The following KIF6 variants were observed in gnomAD, a reference collection of about 807,000 sequenced individuals.
KIF6 encodes the protein kinesin-like protein KIF6.
A neutral mutation model predicts 112.7 loss-of-function variants in KIF6; 106 were observed. The ratio of observed to expected loss-of-function variants is 0.94; its 90% CI spans 0.80 to 1.11. The LOEUF is 1.11. KIF6 is among the 50% of genes least tolerant of loss of function. The pLI, the probability that KIF6 is intolerant of heterozygous loss-of-function variation, is 0.00. For synonymous variants in KIF6, 339 were observed against 339.9 expected (o/e 1.00, Z 0.03); for missense variants, 929 against 964.0 (o/e 0.96, Z 0.48).
At chr6:39,582,667 A>T (rs553897187) in intron 9 of KIF6, among the ~76,000 whole-genome samples, 3 of 152,176 alleles carry the variant, frequency 2.0e-5, no homozygotes, top group African/African-American at 7.2e-5. Context: ...CATCCGCCTC[A>T]GCCTCCCAAA....
intron 13 of KIF6, among the ~76,000 whole-genome samples, chr6:39,476,072 A>G (rs1033900454): frequency 2.6e-5 from 4 of 152,134 alleles, no homozygotes; most frequent in African/African-American, 9.7e-5. Flanking sequence ...GAAGAGCATC[A>G]GTATAAATAG....
intron 3 of KIF6, among the ~76,000 whole-genome samples, chr6:39,658,001 T>G (rs1210379025): frequency 6.6e-6 from 1 of 152,240 alleles, no homozygotes; most frequent in Non-Finnish European, 1.5e-5. Context: ...AGCAGACTTG[T>G]GCATATACAT....
intron 3 of KIF6, among the ~76,000 whole-genome samples, chr6:39,706,646 A>T (rs2113854307): frequency 6.6e-6 from 1 of 152,384 alleles, no homozygotes; most frequent in Non-Finnish European, 1.5e-5. Flanking sequence ...CATAGCAGCA[A>T]GTAAAGCCAA....
chr6:39,540,146 C>T lies in KIF6; in HGVS notation c.1502G>A (p.Arg501His), dbSNP rs773620952. ...TGGGCTCTGGGACTGTCTGAATTCACGTCTATCCATGCCAGCCAAGTGGAG... is the reference window on the plus strand; with the variant it reads ...TGGGCTCTGGGACTGTCTGAATTCATGTCTATCCATGCCAGCCAAGTGGAG... ...EALHLAGMDRREFRQSQSPPF... is the reference protein window; with the variant it reads ...EALHLAGMDRHEFRQSQSPPF... Residue 501 changes from arginine (R) to histidine (H), a missense_variant, in exon 13 of 23, where the codon CGT becomes CAT. Physicochemically the swap from Arg to His is conservative, Grantham distance 29. This residue lies in a region of KIF6 where 688 missense variants were observed against 662.7 expected (regional missense o/e 1.04). Coordinates refer to ENST00000287152, the MANE Select transcript of KIF6 (RefSeq NM_145027.6). 33 of 1,614,014 alleles carry T rather than the reference C, an allele frequency of 2.0e-5. No homozygotes were observed. The highest frequency in any genetic ancestry group is 5.0e-5 in the Admixed American group (3 of 59,998).
intron 3 of KIF6, among the ~76,000 whole-genome samples, chr6:39,710,847 G>A (rs1789507541): frequency 6.6e-6 from 1 of 152,012 alleles, no homozygotes; most frequent in Admixed American, 6.6e-5. Context: ...ACCAGTCTGA[G>A]ACCCCATCTC....
intron 3 of KIF6, among the ~76,000 whole-genome samples, chr6:39,679,159 T>G (rs1177404991): frequency 6.6e-6 from 1 of 152,206 alleles, no homozygotes; most frequent in Non-Finnish European, 1.5e-5. Context: ...TAAAAACAGA[T>G]GAAGACAAAA....
chr6:39,607,416 C>T (rs1782951256), intron 6 of KIF6, among the ~76,000 whole-genome samples: 1 of 151,894 alleles, frequency 6.6e-6, no homozygotes, highest in African/African-American at 2.4e-5. Flanking sequence ...AATATAAGAA[C>T]AAGAAAGAAA....
chr6:39,496,483 T>C (rs1405272573), intron 13 of KIF6, among the ~76,000 whole-genome samples: 2 of 152,122 alleles, frequency 1.3e-5, no homozygotes, highest in Non-Finnish European at 2.9e-5. Context: ...CTTCCTTTTT[T>C]CCTTGAGTGG....
At chr6:39,636,682 A>AT (rs796818466) in intron 4 of KIF6, among the ~76,000 whole-genome samples, 4 of 152,116 alleles carry the variant, frequency 2.6e-5, no homozygotes, top group African/African-American at 9.6e-5. Context: ...TCTCTGCAGC[A>AT]TGTCAAAGGC....
intron 13 of KIF6, among the ~76,000 whole-genome samples, chr6:39,481,761 C>T (rs1054059109): frequency 2.6e-5 from 4 of 152,140 alleles, no homozygotes; most frequent in African/African-American, 4.8e-5. Context: ...TGTTCTTGAA[C>T]GTTTCCATCC....
At chr6:39,536,834 G>A (rs1396630880) in intron 13 of KIF6, among the ~76,000 whole-genome samples, 1 of 152,136 alleles carries the variant, frequency 6.6e-6, no homozygotes, top group Non-Finnish European at 1.5e-5. Context: ...CTGGCAAAAC[G>A]AATCCAGCAG....
At chr6:39,462,484 C>G (rs1773537616) in intron 13 of KIF6, among the ~76,000 whole-genome samples, 1 of 152,188 alleles carries the variant, frequency 6.6e-6, no homozygotes, top group Non-Finnish European at 1.5e-5. Context: ...AAATCAGTGA[C>G]TGTCCTTATA....
chr6:39,431,640 G>A (rs1282099036), intron 13 of KIF6, among the ~76,000 whole-genome samples: 3 of 152,178 alleles, frequency 2.0e-5, no homozygotes, highest in African/African-American at 7.2e-5. Flanking sequence ...ATTCATTCTT[G>A]TTTCCTGTGG....
At chr6:39,544,737 A>G (rs1318425430) in intron 11 of KIF6, 44 bp from the exon 12 acceptor site, 1 of 1,250,334 alleles carries the variant, frequency 8.0e-7, no homozygotes, top group Non-Finnish European at 1.1e-6. Flanking sequence ...CTCTAGTCCA[A>G]ATTTCTTTGT....
intron 3 of KIF6, among the ~76,000 whole-genome samples, chr6:39,705,278 C>A (rs1229709814): frequency 6.6e-6 from 1 of 152,112 alleles, no homozygotes; most frequent in Non-Finnish European, 1.5e-5. Flanking sequence ...CTAACAAGTG[C>A]CCAGGTAACA....
intron 6 of KIF6, among the ~76,000 whole-genome samples, chr6:39,605,393 ATAT>A (rs1308579879): frequency 6.6e-6 from 1 of 152,048 alleles, no homozygotes; most frequent in African/African-American, 2.4e-5. Context: ...TGGAATAATA[ATAT>A]TATGGGGCTA....
At chr6:39,677,966 TATTGTGA>T (rs1787267045) in intron 3 of KIF6, among the ~76,000 whole-genome samples, 2 of 150,610 alleles carry the variant, frequency 1.3e-5, no homozygotes, top group Non-Finnish European at 1.5e-5. Context: ...AAGTCTTTGC[TATTGTGA>T]ATAGTGCCGC....
chr6:39,443,265 C>T (rs1772068743), intron 13 of KIF6, among the ~76,000 whole-genome samples: 1 of 151,658 alleles, frequency 6.6e-6, no homozygotes. Flanking sequence ...TCACAGGGTC[C>T]TGTTGAGTGG....
At chr6:39,437,426 T>G (rs1482387908) in intron 13 of KIF6, among the ~76,000 whole-genome samples, 1 of 152,234 alleles carries the variant, frequency 6.6e-6, no homozygotes, top group Non-Finnish European at 1.5e-5. Flanking sequence ...ACAAGAGCAC[T>G]ATAGCATATT....
Sources: allele counts gnomAD v4.1 joint callset (sites outside exome capture counted in the v4.1 genomes callset), GRCh38; gene constraint gnomAD v4.1.1; regional missense constraint gnomAD v4.1.1; transcripts MANE v1.5; gene names NCBI Gene and HGNC (gene_info 2026-07-23, HGNC 2026-07-21).